The following GET3 variants were observed in gnomAD, a reference collection of about 807,000 sequenced individuals.
GET3 encodes the protein ATPase GET3.
GET3 carries 15 observed loss-of-function variants against 32.4 expected under a neutral mutation model. That is an observed-to-expected ratio of 0.46 (90% confidence interval 0.31 to 0.71). The LOEUF (loss-of-function observed/expected upper bound fraction) is 0.71, where lower values mean the gene tolerates loss of function less well. GET3 is among the 30% of genes least tolerant of loss of function. The probability of loss-of-function intolerance (pLI) is 0.05; values close to 1 mark genes in which losing one functional copy is unlikely to be tolerated. For missense variants in GET3, 333 were observed against 459.0 expected (o/e 0.73, Z 2.51); for synonymous variants, 198 against 185.6 (o/e 1.07, Z -0.54).
Position 12,737,557 on chromosome 19 carries a change from G to T in GET3, c.52G>T (p.Ala18Ser). The change falls in exon 1 of 7, where the codon GCT becomes TCT. Residue 18 changes from alanine (A) to serine (S), a missense_variant. Coordinates refer to ENST00000357332, the MANE Select transcript of GET3 (RefSeq NM_004317.4). ...WGVEAEEFEDAPDVEPLEPTL... is the reference protein window; with the variant it reads ...WGVEAEEFEDSPDVEPLEPTL... ...GGTTGAGGCAGAGGAGTTCGAAGATGCTCCTGATGTGGAGCCGCTGGAGCC... is the reference window on the plus strand; with the variant it reads ...GGTTGAGGCAGAGGAGTTCGAAGATTCTCCTGATGTGGAGCCGCTGGAGCC... The T allele has an allele frequency of 3.1e-6, 5 of 1,605,816 alleles. No individual in the cohort carries two copies. Among genetic ancestry groups the T allele is most frequent in the Non-Finnish European group, 4.2e-6 (5 of 1,176,732 alleles).
intron 2 of GET3, among the ~76,000 whole-genome samples, chr19:12,743,891 G>A (rs1186444181): frequency 2.8e-5 from 4 of 143,960 alleles, no homozygotes; most frequent in African/African-American, 5.0e-5. Context: ...CACCTCGCCC[G>A]GCTAATTTTT....
At position 12,745,610 on chromosome 19, in the gene GET3, C is replaced by A; in HGVS notation, c.460C>A (p.Leu154Met). 1 of 1,612,738 alleles carries A rather than the reference C, an allele frequency of 6.2e-7. No homozygotes were observed. Among genetic ancestry groups the A allele is most frequent in the Non-Finnish European group, 8.5e-7 (1 of 1,179,954 alleles). Residue 154 changes from leucine to methionine, a missense_variant and splice_region_variant, in exon 4 of 7, where the codon CTG becomes ATG. By Grantham distance (15) the Leu-to-Met change is conservative (BLOSUM62 2). Coordinates refer to ENST00000357332, the MANE Select transcript of GET3 (RefSeq NM_004317.4). The surrounding 1 kb of genome is among the most constrained non-coding windows in gnomAD (Gnocchi z 5.0). ...GGCCTGACCCCTGTCTCCCCTCAGG[C>A]TGGTGAAGGGCATGAACTTCTCGGT... is the stretch of plus-strand genomic sequence containing the variant. ...EAMSYAEVMRLVKGMNFSVVV... is the reference protein window; with the variant it reads ...EAMSYAEVMRMVKGMNFSVVV...
intron 2 of GET3, among the ~76,000 whole-genome samples, chr19:12,742,474 G>A (rs1285387626): frequency 2.0e-5 from 3 of 151,950 alleles, no homozygotes; most frequent in Admixed American, 6.6e-5. Flanking sequence ...GAGTGCAGTG[G>A]CGCAATCTCG....
In GET3 at chr19:12,737,682, C is replaced by T. The variant is rs1434068704; in HGVS notation, c.161+16C>T. The T allele has an allele frequency of 1.2e-6, 2 of 1,600,830 alleles. No individual in the cohort carries two copies. Among genetic ancestry groups the T allele is most frequent in the Admixed American group, 1.7e-5 (1 of 57,924 alleles). ...CCACCTGCAGGTAAGGAGGCTGCGG[C>T]GGGGGCCAGGAGGCGTGTAGGATAT... is the stretch of plus-strand genomic sequence containing the variant. On this transcript the variant is annotated intron_variant, in intron 1 of 6. Transcript: ENST00000357332.
intron 2 of GET3, among the ~76,000 whole-genome samples, chr19:12,742,414 G>C (rs1037913601): frequency 4.7e-5 from 7 of 150,388 alleles, no homozygotes; most frequent in Admixed American, 4.0e-4. Context: ...GTTTTGGGGG[G>C]GTTTTTTTTG....
rs1380986043 is a variant in GET3 at position 12,745,088 on chromosome 19, G to C, written c.310-289G>C. On this transcript the variant is annotated intron_variant, in intron 2 of 6. Coordinates refer to ENST00000357332, the MANE Select transcript of GET3 (RefSeq NM_004317.4). This position sits in a 1 kb window ranked among gnomAD's most constrained non-coding sequence, Gnocchi z 5.0. Reference sequence around the variant, plus strand: ...TTGCAAGTGGCAGGTTGCAAGTGGGGAGTAGCAGTGTAAATGGCCCGCAGT... The same window carrying C: ...TTGCAAGTGGCAGGTTGCAAGTGGGCAGTAGCAGTGTAAATGGCCCGCAGT... 1.3e-5 allele frequency among the ~76,000 whole-genome samples: 2 copies of C among 152,108 alleles called. No individual in the cohort carries two copies. Among genetic ancestry groups the C allele is most frequent in the Non-Finnish European group, 2.9e-5 (2 of 68,004 alleles).
At chr19:12,742,834 AC>A (rs1967695124) in intron 2 of GET3, among the ~76,000 whole-genome samples, 1 of 151,972 alleles carries the variant, frequency 6.6e-6, no homozygotes, top group African/African-American at 2.4e-5. Flanking sequence ...AGTGTGAGCT[AC>A]CGCGCCCGGC....
Position 12,745,846 on chromosome 19 carries a change from AC to A in GET3, c.609+88del, listed in dbSNP as rs1967762623. The A allele has an allele frequency of 6.8e-7, 1 of 1,470,148 alleles. No homozygotes were observed. The allele number at this position is 1,470,148 out of a possible 1,614,324, so 91.1% of individuals were successfully genotyped here. On this transcript the variant is annotated intron_variant, in intron 4 of 6. Transcript: ENST00000357332. This position sits in a 1 kb window ranked among gnomAD's most constrained non-coding sequence, Gnocchi z 5.0. ...CCCCCAGACCCTCAAATGCGCACTA[AC>A]AATTCCCTTTCCTTCCCACCCCTTC...
At chr19:12,740,434 T>G (rs1207040306) in intron 2 of GET3, among the ~76,000 whole-genome samples, 1 of 151,736 alleles carries the variant, frequency 6.6e-6, no homozygotes, top group Non-Finnish European at 1.5e-5. Flanking sequence ...CTCAGCACTT[T>G]GGGAGGCTGA....
chr19:12,747,505 T>A lies in GET3; in HGVS notation c.828T>A (p.Ile276=). The A allele has an allele frequency of 3.7e-6, 6 of 1,613,938 alleles. No individual in the cohort carries two copies. The highest frequency in any genetic ancestry group is 5.1e-6 in the Non-Finnish European group (6 of 1,179,960). ...AKCKIDTHNI[I]VNQLVFPDPE... is the part of the protein sequence containing the mutation. The stretch of plus-strand genomic sequence containing the variant: ...GCAAGATTGACACACACAATATAAT[T>A]GTCAACCAGCTCGTCTTCCCCGACC... The change falls in exon 6 of 7, where the codon ATT becomes ATA. Residue 276 remains isoleucine (I), a synonymous_variant. Coordinates refer to ENST00000357332, the MANE Select transcript of GET3 (RefSeq NM_004317.4). The surrounding 1 kb of genome is among the most constrained non-coding windows in gnomAD (Gnocchi z 4.0).
chr19:12,745,594 CCT>C lies in GET3; in HGVS notation c.459-14_459-13del. ...AAGAGCGGACACAGAGGGCCTGACC[CCT>C]GTCTCCCCTCAGGCTGGTGAAGGGC... On this transcript the variant is annotated splice_polypyrimidine_tract_variant and intron_variant, in intron 3 of 6. Transcript: ENST00000357332. The surrounding 1 kb of genome is among the most constrained non-coding windows in gnomAD (Gnocchi z 5.0). 6.2e-7 allele frequency: 1 copy of C among 1,612,506 alleles called. No individual in the cohort carries two copies. Among genetic ancestry groups the C allele is most frequent in the Non-Finnish European group, 8.5e-7 (1 of 1,179,928 alleles).
chr19:12,748,077 G>A lies in GET3; in HGVS notation c.1020G>A (p.Glu340=), dbSNP rs780565808. Residue 340 remains glutamate, a synonymous_variant, in exon 7 of 7, where the codon GAG becomes GAA. Coordinates refer to ENST00000357332, the MANE Select transcript of GET3 (RefSeq NM_004317.4). ...KVNTFSALLL[E]PYKPPSAQ is the part of the protein sequence containing the mutation. ...ACACCTTCTCGGCCCTCCTCCTGGA[G>A]CCCTACAAGCCCCCCAGTGCCCAGT... The A allele has an allele frequency of 3.7e-6, 6 of 1,606,758 alleles. No homozygotes were observed. The highest frequency in any genetic ancestry group is 5.1e-6 in the Non-Finnish European group (6 of 1,175,198).
At chr19:12,743,591 C>G (rs992190641) in intron 2 of GET3, among the ~76,000 whole-genome samples, 8 of 151,498 alleles carry the variant, frequency 5.3e-5, no homozygotes, top group Admixed American at 1.3e-4. Context: ...GAGATCGCCA[C>G]CATCCTGGCT....
rs766634296 is a variant in GET3 at position 12,747,636 on chromosome 19, C to T, written c.915+44C>T. 3.8e-6 allele frequency: 6 copies of T among 1,585,198 alleles called. No homozygotes were observed. Among genetic ancestry groups the T allele is most frequent in the Middle Eastern group, 1.7e-4 (1 of 5,978 alleles). On this transcript the variant is annotated intron_variant, in intron 6 of 6. Coordinates refer to ENST00000357332, the MANE Select transcript of GET3 (RefSeq NM_004317.4). The surrounding 1 kb of genome is among the most constrained non-coding windows in gnomAD (Gnocchi z 4.0). ...CACTGGCTCAGCAGAGGCACCTCTG[C>T]CCCTTTATTCTCTGATCTTTTGCTC...
intron 2 of GET3, among the ~76,000 whole-genome samples, chr19:12,741,404 C>T (rs1452886811): frequency 2.0e-5 from 3 of 150,530 alleles, no homozygotes; most frequent in African/African-American, 7.3e-5. Flanking sequence ...TACAGTGAGC[C>T]TAGATCGCGC....
chr19:12,738,053 C>T lies in GET3; in HGVS notation c.161+387C>T, dbSNP rs142131582. 4.6e-5 allele frequency among the ~76,000 whole-genome samples: 7 copies of T among 152,130 alleles called. No homozygotes were observed. The East Asian group carries it at 1.4e-3, about 29-fold the overall frequency. On this transcript the variant is annotated intron_variant, in intron 1 of 6. Transcript: ENST00000357332. ...CCAAGGCGAGAGTGAGGGTGGAAAG[C>T]GAGGGAGAGAGCACGTGATGAGACT...
At chr19:12,744,856 G>A (rs1007943610) in intron 2 of GET3, among the ~76,000 whole-genome samples, 1 of 152,106 alleles carries the variant, frequency 6.6e-6, no homozygotes, top group African/African-American at 2.4e-5. Context: ...GGGCTCAAGC[G>A]ATCCTCCCAT....
At chr19:12,743,468 C>A (rs1967707542) in intron 2 of GET3, among the ~76,000 whole-genome samples, 1 of 148,308 alleles carries the variant, frequency 6.7e-6, no homozygotes, top group African/African-American at 2.5e-5. Context: ...AGTGAAACTC[C>A]ATCTCAGAAA....
chr19:12,744,572 C>T (rs528544913), intron 2 of GET3, among the ~76,000 whole-genome samples: 6 of 152,230 alleles, frequency 3.9e-5, no homozygotes, highest in East Asian at 3.9e-4. Flanking sequence ...TGCCCGCCTC[C>T]GCTTCCCAAA....
Sources: gnomAD v4.1 joint callset for allele counts (sites outside exome capture counted in the v4.1 genomes callset) on GRCh38, gnomAD v4.1.1 for gene constraint, Gnocchi (gnomAD v3.1) non-coding constraint, MANE v1.5 for transcripts, NCBI Gene and HGNC (gene_info 2026-07-23, HGNC 2026-07-21) for gene names.